LRRC3B: variants seen among roughly 807,000 people sequenced by gnomAD.
LRRC3B encodes leucine rich repeat containing 3B.
In LRRC3B, 2 loss-of-function variants were observed where a neutral mutation model predicts 12.8. The ratio of observed to expected loss-of-function variants is 0.16; its 90% CI spans 0.06 to 0.49. The LOEUF is 0.49. LRRC3B is among the 20% of genes least tolerant of loss of function. The pLI, the probability that LRRC3B is intolerant of heterozygous loss-of-function variation, is 0.96. For missense variants in LRRC3B, 189 were observed against 319.4 expected (o/e 0.59, Z 3.11); for synonymous variants, 132 against 122.0 (o/e 1.08, Z -0.54).
At chr3:26,646,086 A>G (rs17018468) in intron 1 of LRRC3B, among the ~76,000 whole-genome samples, 18,898 of 152,146 alleles carry the variant, frequency 0.12, 1,415 homozygotes, top group East Asian at 0.28. Context: ...CTATACACTT[A>G]TCGTTCATAA....
intron 1 of LRRC3B, among the ~76,000 whole-genome samples, chr3:26,664,357 C>G (rs1699555230): frequency 6.6e-6 from 1 of 152,042 alleles, no homozygotes; most frequent in Non-Finnish European, 1.5e-5. Context: ...TTTCAGGTGT[C>G]TGTCCCCCCA....
exon 2 of LRRC3B, chr3:26,709,968 G>A: frequency 1.2e-6 from 2 of 1,614,056 alleles, no homozygotes; most frequent in Non-Finnish European, 1.7e-6. Flanking sequence ...TCCAAAAATG[G>A]CATTGAGTTT....
intron 1 of LRRC3B, among the ~76,000 whole-genome samples, chr3:26,644,185 CAGGT>C (rs1361224749): frequency 1.3e-5 from 2 of 152,196 alleles, no homozygotes; most frequent in South Asian, 2.1e-4. Context: ...AGTATGAACA[CAGGT>C]AGAGCTTAGA....
chr3:26,700,724 G>A (rs187322592), intron 1 of LRRC3B, among the ~76,000 whole-genome samples: 6 of 152,288 alleles, frequency 3.9e-5, no homozygotes, highest in Admixed American at 3.3e-4. Flanking sequence ...AAAAAAATTA[G>A]AGTTTAGCTG....
At chr3:26,709,805 G>A (rs766228609) in exon 2 of LRRC3B, 2 of 1,614,044 alleles carry the variant, frequency 1.2e-6, no homozygotes, top group South Asian at 1.1e-5. Flanking sequence ...TTCCTCTGGG[G>A]GTTTAAATGT....
intron 1 of LRRC3B, among the ~76,000 whole-genome samples, chr3:26,708,445 A>G (rs1027118026): frequency 9.2e-5 from 14 of 152,152 alleles, no homozygotes; most frequent in African/African-American, 3.4e-4. Context: ...TTTGATATTA[A>G]TGAGTCAGAA....
chr3:26,662,234 A>T (rs1699506892), intron 1 of LRRC3B, among the ~76,000 whole-genome samples: 1 of 152,084 alleles, frequency 6.6e-6, no homozygotes, highest in African/African-American at 2.4e-5. Flanking sequence ...AAATTTATTT[A>T]CTGTTCTTAG....
intron 1 of LRRC3B, among the ~76,000 whole-genome samples, chr3:26,706,580 C>T (rs780127300): frequency 1.1e-4 from 16 of 152,170 alleles, no homozygotes; most frequent in Non-Finnish European, 1.6e-4. Flanking sequence ...CACAGGTAGA[C>T]CATTTGGGAT....
intron 1 of LRRC3B, among the ~76,000 whole-genome samples, chr3:26,668,340 A>G (rs1293568850): frequency 1.3e-5 from 2 of 152,150 alleles, no homozygotes; most frequent in Non-Finnish European, 2.9e-5. Flanking sequence ...TAGAGAGCTT[A>G]GTGGTGCAGG....
chr3:26,662,825 C>T (rs1043997189), intron 1 of LRRC3B, among the ~76,000 whole-genome samples: 1 of 152,052 alleles, frequency 6.6e-6, no homozygotes, highest in African/African-American at 2.4e-5. Context: ...GGCCAATAGA[C>T]ATTATCATTA....
chr3:26,641,205 A>G (rs1699024275), intron 1 of LRRC3B, among the ~76,000 whole-genome samples: 1 of 152,132 alleles, frequency 6.6e-6, no homozygotes, highest in South Asian at 2.1e-4. Context: ...GGCAAACTAG[A>G]ACCTATGAGG....
chr3:26,632,735 G>C (rs1300350432), intron 1 of LRRC3B, among the ~76,000 whole-genome samples: 1 of 152,110 alleles, frequency 6.6e-6, no homozygotes, highest in Non-Finnish European at 1.5e-5. Flanking sequence ...TCCAGGAACT[G>C]AAGTTAATCA....
rs191863956 is a variant in LRRC3B, at chr3:26,673,745, C to T, written c.-160-35768C>T. Among the ~76,000 whole-genome samples, 10 of 152,276 alleles carry T rather than the reference C, an allele frequency of 6.6e-5. No homozygotes were observed. In the East Asian group the frequency reaches 1.7e-3, roughly 26 times the overall value. ...CATATTATCTCCATCCTTACCTCCA[C>T]CTGCTGAAGAACAGCCTCCTCCACT... On this transcript the variant is annotated intron_variant, in intron 1 of 1. Coordinates refer to ENST00000396641, the Ensembl canonical transcript of LRRC3B.
chr3:26,662,177 T>A (rs965255433), intron 1 of LRRC3B, among the ~76,000 whole-genome samples: 1 of 152,210 alleles, frequency 6.6e-6, no homozygotes, highest in Non-Finnish European at 1.5e-5. Context: ...TGGCTATTAA[T>A]GCTAACTTGT....
chr3:26,624,195 G>C (rs1230143312), intron 1 of LRRC3B: 1 of 152,328 alleles, frequency 6.6e-6, no homozygotes, highest in Non-Finnish European at 1.5e-5. Flanking sequence ...CTCCCCAGAA[G>C]CAAACAAACC....
chr3:26,709,046 C>T (rs1380312896), intron 1 of LRRC3B, among the ~76,000 whole-genome samples: 1 of 152,142 alleles, frequency 6.6e-6, no homozygotes, highest in Non-Finnish European at 1.5e-5. Context: ...CCAAATTGGG[C>T]ATCCATTCAA....
chr3:26,630,770 A>G (rs1405267582), intron 1 of LRRC3B, among the ~76,000 whole-genome samples: 4 of 152,168 alleles, frequency 2.6e-5, no homozygotes, highest in Admixed American at 6.5e-5. Context: ...CTTGAATTCT[A>G]TTGGTAGATG....
chr3:26,629,901 G>A (rs1013270542), intron 1 of LRRC3B, among the ~76,000 whole-genome samples: 2 of 150,668 alleles, frequency 1.3e-5, no homozygotes, highest in South Asian at 2.1e-4. Context: ...CAAGCAATTG[G>A]CAGCAGACAA....
chr3:26,646,557 T>C (rs1260826502), intron 1 of LRRC3B, among the ~76,000 whole-genome samples: 1 of 128,340 alleles, frequency 7.8e-6, no homozygotes, highest in Non-Finnish European at 1.6e-5. Context: ...GTAGAACCAG[T>C]AAGCTGATTC....
Sources: gnomAD v4.1 joint callset for allele counts (sites outside exome capture counted in the v4.1 genomes callset) on GRCh38, gnomAD v4.1.1 for gene constraint, MANE v1.5 for transcripts, NCBI Gene and HGNC (gene_info 2026-07-23, HGNC 2026-07-21) for gene names.